The following LRRC8C variants were observed in gnomAD, a reference collection of about 807,000 sequenced individuals.
LRRC8C encodes the protein leucine rich repeat containing 8 VRAC subunit C.
In LRRC8C, 20 loss-of-function variants were observed where a neutral mutation model predicts 55.3. The observed-to-expected ratio is 0.36, with a 90% CI of 0.25 to 0.53. The LOEUF (loss-of-function observed/expected upper bound fraction) is 0.53. LRRC8C is among the 20% of genes least tolerant of loss of function. The probability of loss-of-function intolerance (pLI) is 0.92; values close to 1 mark genes in which losing one functional copy is unlikely to be tolerated. For missense variants in LRRC8C, 659 were observed against 951.4 expected (o/e 0.69, Z 4.04); for synonymous variants, 376 against 360.7 (o/e 1.04, Z -0.48).
chr1:89,664,114 G>T (rs1333834526), intron 1 of LRRC8C, among the ~76,000 whole-genome samples: 2 of 151,572 alleles, frequency 1.3e-5, no homozygotes, highest in African/African-American at 4.8e-5. Flanking sequence ...TTGTTTGTTT[G>T]TTTTTTGCTG....
the LRRC8C span, among the ~76,000 whole-genome samples, chr1:89,624,638 C>T: frequency 6.6e-6 from 1 of 152,216 alleles, no homozygotes; most frequent in Non-Finnish European, 1.5e-5. Context: ...ACCAAGAGGG[C>T]TTATCTTGAC....
chr1:89,624,803 G>A, the LRRC8C span: 3 of 152,144 alleles, frequency 2.0e-5, no homozygotes, highest in Non-Finnish European at 4.4e-5. Context: ...TGTAATAAAG[G>A]AAATAGCTCC....
chr1:89,717,308 C>T lies in LRRC8C; in HGVS notation c.*2326C>T, dbSNP rs1202798099. On this transcript the variant is annotated 3_prime_UTR_variant, in exon 3 of 3. Transcript: ENST00000370454. ...TTCTATATTACCCTTCAAAAGGGAT[C>T]TCTTCAGGTTAAAAATCACGCTTAT... The T allele has an allele frequency of 6.6e-6, 1 of 152,140 alleles. No individual in the cohort carries two copies. Among genetic ancestry groups the T allele is most frequent in the Non-Finnish European group, 1.5e-5 (1 of 68,014 alleles). 9.4% of individuals were successfully genotyped at this position (152,140 alleles called of 1,614,324 possible).
intron 1 of LRRC8C, among the ~76,000 whole-genome samples, chr1:89,655,236 T>C (rs1656908476): frequency 1.3e-5 from 2 of 152,182 alleles, no homozygotes; most frequent in South Asian, 4.1e-4. Context: ...TTTTTCATTA[T>C]CTTATTTTTA....
chr1:89,619,106 T>C, the LRRC8C span, among the ~76,000 whole-genome samples: 1 of 152,226 alleles, frequency 6.6e-6, no homozygotes, highest in African/African-American at 2.4e-5. Context: ...GTGTTAAAAC[T>C]AGCTATTTCT....
intron 1 of LRRC8C, among the ~76,000 whole-genome samples, chr1:89,673,498 G>A (rs35630104): frequency 0.032 from 4,896 of 152,276 alleles, 123 homozygotes; most frequent in Non-Finnish European, 0.049. Context: ...ATACTGTACC[G>A]TTTGTCAATG....
intron 1 of LRRC8C, among the ~76,000 whole-genome samples, chr1:89,653,721 G>T (rs1238274039): frequency 6.6e-6 from 1 of 152,086 alleles, no homozygotes; most frequent in African/African-American, 2.4e-5. Context: ...GAATGTGAGA[G>T]AAAAAAATTA....
chr1:89,633,621 C>T (rs896114123), intron 1 of LRRC8C, among the ~76,000 whole-genome samples: 1 of 151,314 alleles, frequency 6.6e-6, no homozygotes, highest in Non-Finnish European at 1.5e-5. Context: ...GTCCTGCAGA[C>T]TGGGCGCGGG....
At chr1:89,657,967 CTGTG>C (rs1656997385) in intron 1 of LRRC8C, among the ~76,000 whole-genome samples, 1 of 152,090 alleles carries the variant, frequency 6.6e-6, no homozygotes. Context: ...AAGTGTATGA[CTGTG>C]TGTAACTTTA....
intron 1 of LRRC8C, among the ~76,000 whole-genome samples, chr1:89,634,102 A>G (rs1306427292): frequency 6.6e-6 from 1 of 152,170 alleles, no homozygotes; most frequent in Non-Finnish European, 1.5e-5. Context: ...CCTGCCCGGT[A>G]TACAGCAAAG....
chr1:89,639,544 C>T (rs1305812383), intron 1 of LRRC8C, among the ~76,000 whole-genome samples: 1 of 152,164 alleles, frequency 6.6e-6, no homozygotes, highest in Non-Finnish European at 1.5e-5. Context: ...CATCCCTCAT[C>T]TCCTCCAGCT....
intron 2 of LRRC8C, among the ~76,000 whole-genome samples, chr1:89,694,986 A>G (rs1285859422): frequency 6.7e-6 from 1 of 150,288 alleles, no homozygotes; most frequent in Admixed American, 6.6e-5. Context: ...CAGTGGCTCA[A>G]TCTTGGCTCA....
intron 1 of LRRC8C, among the ~76,000 whole-genome samples, chr1:89,676,942 T>C (rs1214427584): frequency 6.6e-6 from 1 of 152,192 alleles, no homozygotes; most frequent in Non-Finnish European, 1.5e-5. Context: ...AAGTGAATTA[T>C]GCTTGTGAGA....
At chr1:89,691,105 G>A (rs1658016370) in intron 2 of LRRC8C, among the ~76,000 whole-genome samples, 1 of 152,096 alleles carries the variant, frequency 6.6e-6, no homozygotes. Context: ...CACTCTGTGG[G>A]GTGTTAGATG....
chr1:89,681,363 A>C, intron 1 of LRRC8C, among the ~76,000 whole-genome samples: 1 of 152,302 alleles, frequency 6.6e-6, no homozygotes, highest in Non-Finnish European at 1.5e-5. Context: ...GTCTTCCCTT[A>C]CTCACCTTTT....
At chr1:89,655,007 T>C (rs1376973995) in intron 1 of LRRC8C, among the ~76,000 whole-genome samples, 1 of 151,846 alleles carries the variant, frequency 6.6e-6, no homozygotes, top group Non-Finnish European at 1.5e-5. Flanking sequence ...CATGCCCAGC[T>C]AGTCAGCAGC....
rs145564579 is a variant in LRRC8C, at chr1:89,707,363, C to T, written c.139-5346C>T. Among the ~76,000 whole-genome samples, 433 of 151,912 alleles carry T rather than the reference C, an allele frequency of 2.9e-3. 13 individuals are homozygous for T. The East Asian group carries it at 0.06, about 21-fold the overall frequency. On this transcript the variant is annotated intron_variant, in intron 2 of 2. Transcript: ENST00000370454. ...CGGAGGTTGCAGTGAGCTGAGATTG[C>T]GCCACTGCACTCCAGCCTGGACAAC... is the stretch of plus-strand genomic sequence containing the variant.
intron 1 of LRRC8C, among the ~76,000 whole-genome samples, chr1:89,680,104 C>T (rs1246765948): frequency 2.0e-5 from 3 of 146,798 alleles, no homozygotes; most frequent in Non-Finnish European, 4.5e-5. Context: ...GATGGAGTCT[C>T]GCTCTGTCAC....
intron 1 of LRRC8C, among the ~76,000 whole-genome samples, chr1:89,685,032 A>G (rs1657828272): frequency 6.6e-6 from 1 of 151,614 alleles, no homozygotes; most frequent in African/African-American, 2.4e-5. Flanking sequence ...TAACATTGTA[A>G]TTGTTGCCAA....
Sources: allele counts gnomAD v4.1 joint callset (sites outside exome capture counted in the v4.1 genomes callset), GRCh38; gene constraint gnomAD v4.1.1; transcripts MANE v1.5; gene names NCBI Gene and HGNC (gene_info 2026-07-23, HGNC 2026-07-21).